The following GALNT17 variants were observed in gnomAD, a reference collection of about 807,000 sequenced individuals.
The protein encoded by GALNT17 is polypeptide N-acetylgalactosaminyltransferase 17.
Under a neutral mutation model 63.7 loss-of-function variants are expected in GALNT17, and 29 were observed. That is an observed-to-expected ratio of 0.46 (90% confidence interval 0.34 to 0.62). The LOEUF is 0.62. Among genes scored for constraint, GALNT17 ranks in the 20% least tolerant of loss-of-function variants. The pLI is 0.01. For missense variants in GALNT17, 603 were observed against 799.6 expected (o/e 0.75, Z 2.97); for synonymous variants, 305 against 318.3 (o/e 0.96, Z 0.45).
At chr7:71,619,877 T>A (rs1407428180) in intron 6 of GALNT17, among the ~76,000 whole-genome samples, 3 of 152,196 alleles carry the variant, frequency 2.0e-5, no homozygotes. Flanking sequence ...CAGTTCTCAA[T>A]GGGAACAATT....
At position 71,690,019 on chromosome 7, in the gene GALNT17, CT is replaced by C. The variant is rs36049127; in HGVS notation, c.1500+12728del. On this transcript the variant is annotated intron_variant, in intron 9 of 10. Coordinates refer to ENST00000333538, the MANE Select transcript of GALNT17 (RefSeq NM_022479.3). ...GTTTACAGCATGGTTTACTGAATATCTTTTTTTTTTTTTTTCTTTTTTTTGA... is the reference window on the plus strand; with the variant it reads ...GTTTACAGCATGGTTTACTGAATATCTTTTTTTTTTTTTTCTTTTTTTTGA... Among the ~76,000 whole-genome samples, 863 of 142,806 alleles carry C rather than the reference CT, an allele frequency of 6.0e-3. 6 individuals carry two copies. The highest frequency in any genetic ancestry group is 0.018 in the African/African-American group (689 of 38,572). The allele number at this position is 142,806 out of a possible 152,430, so 93.7% of individuals were successfully genotyped here. A position where few individuals can be genotyped will look rare whatever the true frequency, so the allele number is the denominator to read the frequency against.
At chr7:71,305,744 T>G (rs1791278982) in intron 1 of GALNT17, among the ~76,000 whole-genome samples, 1 of 152,164 alleles carries the variant, frequency 6.6e-6, no homozygotes, top group Admixed American at 6.5e-5. Flanking sequence ...AGTTTCCATA[T>G]CTCAATGAAC....
chr7:71,277,286 A>G (rs73176095), intron 1 of GALNT17, among the ~76,000 whole-genome samples: 5,360 of 152,278 alleles, frequency 0.035, 110 homozygotes, highest in South Asian at 0.061. Flanking sequence ...GAGCTGAACA[A>G]TGGGTACACT....
intron 6 of GALNT17, among the ~76,000 whole-genome samples, chr7:71,643,983 A>C (rs144967864): frequency 3.9e-5 from 6 of 152,314 alleles, no homozygotes; most frequent in African/African-American, 1.4e-4. Flanking sequence ...CTTTCCTGGA[A>C]GCTGAAAAAT....
At chr7:71,611,667 A>C (rs1001573064) in intron 6 of GALNT17, among the ~76,000 whole-genome samples, 1 of 152,126 alleles carries the variant, frequency 6.6e-6, no homozygotes, top group Admixed American at 6.5e-5. Context: ...ACGCACTTGC[A>C]TGGTGGCATG....
chr7:71,444,751 C>T (rs576011618), intron 5 of GALNT17, among the ~76,000 whole-genome samples: 3 of 152,184 alleles, frequency 2.0e-5, no homozygotes, highest in Non-Finnish European at 2.9e-5. Flanking sequence ...TACTTGAATC[C>T]GGGAGGTGGA....
chr7:71,318,868 G>T (rs1337230056), intron 1 of GALNT17, among the ~76,000 whole-genome samples: 2 of 152,164 alleles, frequency 1.3e-5, no homozygotes, highest in Non-Finnish European at 2.9e-5. Flanking sequence ...TCAGTACGGA[G>T]TTGCAGAGAG....
chr7:71,322,663 A>G (rs925739278), intron 1 of GALNT17, among the ~76,000 whole-genome samples: 2 of 152,122 alleles, frequency 1.3e-5, no homozygotes, highest in Admixed American at 6.6e-5. Context: ...TTGTGATGCT[A>G]TTTGGAGATG....
At chr7:71,293,510 TG>T (rs1306037683) in intron 1 of GALNT17, among the ~76,000 whole-genome samples, 1 of 152,208 alleles carries the variant, frequency 6.6e-6, no homozygotes. Flanking sequence ...TTTTGAAAAA[TG>T]TCAATTCAGA....
At chr7:71,571,197 C>G in intron 5 of GALNT17, 88 bp from the exon 6 acceptor site, 1 of 1,049,670 alleles carries the variant, frequency 9.5e-7, no homozygotes, top group Non-Finnish European at 1.4e-6. Context: ...CATGCTAGAC[C>G]GGAACCAGTA....
intron 5 of GALNT17, among the ~76,000 whole-genome samples, chr7:71,549,954 C>T (rs777077159): frequency 1.3e-5 from 2 of 151,128 alleles, no homozygotes; most frequent in Non-Finnish European, 2.9e-5. Flanking sequence ...AACCTAAAAC[C>T]GTCTCCTGCT....
At chr7:71,430,165 A>C (rs1483955070) in intron 5 of GALNT17, among the ~76,000 whole-genome samples, 2 of 151,114 alleles carry the variant, frequency 1.3e-5, no homozygotes, top group Admixed American at 1.3e-4. Context: ...ATTTCTTGAC[A>C]AAAAAAACTA....
rs376448439 is a variant in GALNT17, at chr7:71,552,588, G to A, written c.963-18697G>A. Among the ~76,000 whole-genome samples, 7 of 151,228 alleles carry A rather than the reference G, an allele frequency of 4.6e-5. No homozygotes were observed. In the South Asian group the frequency reaches 8.4e-4, roughly 18 times the overall value. ...CCCTCGTAGCTAGGACTACAGGCCC[G>A]TGCCACCACACCCGGTTAATTTCTT... On this transcript the variant is annotated intron_variant, in intron 5 of 10. Coordinates refer to ENST00000333538, the MANE Select transcript of GALNT17 (RefSeq NM_022479.3).
intron 5 of GALNT17, among the ~76,000 whole-genome samples, chr7:71,469,987 T>C (rs932143608): frequency 3.9e-5 from 6 of 152,184 alleles, no homozygotes; most frequent in Admixed American, 3.9e-4. Context: ...GGCGGACGGA[T>C]AACCTGAGGT....
At chr7:71,262,726 G>C (rs1201498096) in intron 1 of GALNT17, among the ~76,000 whole-genome samples, 1 of 146,594 alleles carries the variant, frequency 6.8e-6, no homozygotes, top group Non-Finnish European at 1.5e-5. Context: ...TGTCACCCAG[G>C]CTGGAGTGCA....
Position 71,710,868 on chromosome 7 carries a change from C to G in GALNT17, c.1608C>G (p.Pro536=). 6.2e-7 allele frequency: 1 copy of G among 1,613,968 alleles called. No homozygotes were observed. The highest frequency in any genetic ancestry group is 8.5e-7 in the Non-Finnish European group (1 of 1,180,026). ...TGGACAACTCCAAGAGTCGGCTGCC[C>G]CAGCTCCTGGACTGCGACAAGGTCA... ...CLVDNSKSRL[P]QLLDCDKVKS... is the part of the protein sequence containing the mutation. The change falls in exon 10 of 11, where the codon CCC becomes CCG. Residue 536 remains proline, a synonymous_variant. Coordinates refer to ENST00000333538, the MANE Select transcript of GALNT17 (RefSeq NM_022479.3).
intron 5 of GALNT17, among the ~76,000 whole-genome samples, chr7:71,425,656 C>T (rs1366741972): frequency 6.6e-6 from 1 of 152,100 alleles, no homozygotes; most frequent in Non-Finnish European, 1.5e-5. Context: ...GACCACCCGG[C>T]CCCCAGAACT....
intron 1 of GALNT17, among the ~76,000 whole-genome samples, chr7:71,243,837 A>G (rs995983632): frequency 1.3e-5 from 2 of 152,236 alleles, no homozygotes; most frequent in East Asian, 1.9e-4. Flanking sequence ...ATGTCTGTTC[A>G]TAAAAGGACT....
intron 1 of GALNT17, among the ~76,000 whole-genome samples, chr7:71,149,131 G>T (rs1323610396): frequency 6.6e-6 from 1 of 151,810 alleles, no homozygotes; most frequent in African/African-American, 2.4e-5. Flanking sequence ...TGTTGCCCGG[G>T]ACGCTCTCAA....
Sources: gnomAD v4.1 joint callset for allele counts (sites outside exome capture counted in the v4.1 genomes callset) on GRCh38, gnomAD v4.1.1 for gene constraint, MANE v1.5 for transcripts, NCBI Gene and HGNC (gene_info 2026-07-23, HGNC 2026-07-21) for gene names.